The following CAST variants were observed in gnomAD, a reference collection of about 807,000 sequenced individuals.
CAST encodes the protein MIR583 host.
CAST carries 76 observed loss-of-function variants against 119.6 expected under a neutral mutation model. The observed-to-expected ratio is 0.64, with a 90% CI of 0.53 to 0.77. The LOEUF (loss-of-function observed/expected upper bound fraction) is 0.77, where lower values mean the gene tolerates loss of function less well. Among genes scored for constraint, CAST ranks in the 30% least tolerant of loss-of-function variants. The probability of loss-of-function intolerance (pLI) is 0.00; values close to 1 mark genes in which losing one functional copy is unlikely to be tolerated. For synonymous variants in CAST, 319 were observed against 331.6 expected, an observed-to-expected ratio of 0.96 and a Z score of 0.41; for missense variants, 953 against 946.5, an observed-to-expected ratio of 1.01 and a Z score of -0.09.
At chr5:96,158,014 T>A in the CAST span, among the ~76,000 whole-genome samples, 1 of 152,090 alleles carries the variant, frequency 6.6e-6, no homozygotes, top group African/African-American at 2.4e-5. Context: ...AGAAACAAAC[T>A]ACAGCTCTTG....
intron 25 of CAST, 84 bp downstream of exon 25, chr5:96,762,456 T>G: frequency 1.1e-6 from 1 of 906,440 alleles, no homozygotes; most frequent in Non-Finnish European, 1.7e-6. Context: ...TTAAAGCAAA[T>G]GAAAATAGGC....
chr5:96,532,588 A>G (rs1424158787), intron 1 of CAST, among the ~76,000 whole-genome samples: 2 of 152,152 alleles, frequency 1.3e-5, no homozygotes, highest in East Asian at 3.9e-4. Flanking sequence ...CGTGGCCCAC[A>G]CCTGGAATCT....
At chr5:96,045,609 A>G in the CAST span, among the ~76,000 whole-genome samples, 2 of 152,284 alleles carry the variant, frequency 1.3e-5, no homozygotes, top group East Asian at 3.9e-4. Context: ...TGTAATAATA[A>G]TGACAATAGA....
At chr5:96,323,726 T>C in the CAST span, among the ~76,000 whole-genome samples, 1 of 152,190 alleles carries the variant, frequency 6.6e-6, no homozygotes, top group Non-Finnish European at 1.5e-5. Flanking sequence ...GACCTGTGTT[T>C]ATAATTCAAA....
At chr5:96,331,686 G>C in the CAST span, among the ~76,000 whole-genome samples, 13 of 152,284 alleles carry the variant, frequency 8.5e-5, no homozygotes, top group South Asian at 2.7e-3. Flanking sequence ...AAAGGTCAGA[G>C]TTTAAGGAGA....
the CAST span, among the ~76,000 whole-genome samples, chr5:96,270,313 TTCCTC>T: frequency 1.3e-5 from 2 of 152,130 alleles, no homozygotes; most frequent in Non-Finnish European, 2.9e-5. Context: ...TTGAAAGACT[TTCCTC>T]TAAGATCTGG....
At chr5:96,760,597 T>G (rs1767593089) in intron 24 of CAST, among the ~76,000 whole-genome samples, 1 of 151,870 alleles carries the variant, frequency 6.6e-6, no homozygotes, top group African/African-American at 2.4e-5. Context: ...AATATATTTG[T>G]GGATAGCACT....
At chr5:96,216,522 C>A in the CAST span, among the ~76,000 whole-genome samples, 22 of 152,142 alleles carry the variant, frequency 1.4e-4, no homozygotes, top group Admixed American at 1.4e-3. Flanking sequence ...CACTGGTCTA[C>A]CTTGTACTTT....
At chr5:96,236,776 G>T in the CAST span, among the ~76,000 whole-genome samples, 1 of 152,140 alleles carries the variant, frequency 6.6e-6, no homozygotes, top group Non-Finnish European at 1.5e-5. Context: ...TTATCTGGCA[G>T]CCCTAAGTTA....
chr5:96,757,593 A>T lies in CAST; in HGVS notation c.1772A>T (p.Glu591Val). 1 of 1,613,844 alleles carries T rather than the reference A, an allele frequency of 6.2e-7. No individual in the cohort carries two copies. The highest frequency in any genetic ancestry group is 2.2e-5 in the East Asian group (1 of 44,882). ...ESKEQLPPMS[E>V]DFLLDALSED... ...TCCTGGTTCTTGCAGCCCATGAGTG[A>T]AGACTTCCTTCTGGATGCTTTGTCT... The change falls in exon 24 of 32, where the codon GAA (glutamate) becomes GTA (valine). Residue 591 changes from glutamate (E) to valine (V), a missense_variant. By Grantham distance (121) the Glu-to-Val change is moderately radical. Transcript: ENST00000675179.
At chr5:96,664,242 G>A (rs1355559059) in intron 1 of CAST, among the ~76,000 whole-genome samples, 4 of 150,598 alleles carry the variant, frequency 2.7e-5, no homozygotes, top group African/African-American at 4.9e-5. Context: ...TTTATTCTCC[G>A]TTTCTATATA....
chr5:96,603,013 T>G (rs1364266733), intron 1 of CAST, among the ~76,000 whole-genome samples: 1 of 152,166 alleles, frequency 6.6e-6, no homozygotes, highest in Non-Finnish European at 1.5e-5. Context: ...AAGTGGCAGA[T>G]AGGATGGTGT....
chr5:96,317,992 A>G, the CAST span, among the ~76,000 whole-genome samples: 1 of 152,238 alleles, frequency 6.6e-6, no homozygotes, highest in Non-Finnish European at 1.5e-5. Flanking sequence ...ACACAACAAC[A>G]GAAAAACAGC....
At chr5:96,769,689 T>A (rs1011181013) in intron 29 of CAST, 4 of 151,990 alleles carry the variant, frequency 2.6e-5, no homozygotes, top group South Asian at 2.1e-4. Flanking sequence ...CACTTGTTCA[T>A]TCTGCATATC....
the CAST span, among the ~76,000 whole-genome samples, chr5:96,025,223 A>G: frequency 2.0e-5 from 3 of 152,248 alleles, no homozygotes; most frequent in Non-Finnish European, 2.9e-5. Flanking sequence ...AGGCCGGGAA[A>G]GTCCAAGATC....
chr5:96,017,654 G>A, the CAST span, among the ~76,000 whole-genome samples: 1 of 151,922 alleles, frequency 6.6e-6, no homozygotes, highest in Non-Finnish European at 1.5e-5. Flanking sequence ...TTTGTCTGGG[G>A]GCACACAAAA....
chr5:96,533,482 T>C (rs1322397269), intron 1 of CAST, among the ~76,000 whole-genome samples: 5 of 152,166 alleles, frequency 3.3e-5, no homozygotes, highest in African/African-American at 1.2e-4. Context: ...TCAAAGCTAT[T>C]TTATAATAAT....
the CAST span, among the ~76,000 whole-genome samples, chr5:95,987,633 G>A: frequency 6.6e-6 from 1 of 152,154 alleles, no homozygotes; most frequent in Middle Eastern, 3.2e-3. Context: ...CTACTTATTA[G>A]TTGTAAATCT....
the CAST span, among the ~76,000 whole-genome samples, chr5:95,987,676 G>A: frequency 6.6e-6 from 1 of 152,176 alleles, no homozygotes; most frequent in Non-Finnish European, 1.5e-5. Flanking sequence ...CTGAGCCTTA[G>A]TTTCTCTATC....
Sources: allele counts gnomAD v4.1 joint callset (sites outside exome capture counted in the v4.1 genomes callset), GRCh38; gene constraint gnomAD v4.1.1; transcripts MANE v1.5; gene names NCBI Gene and HGNC (gene_info 2026-07-23, HGNC 2026-07-21).